OR56B2: variants seen among roughly 807,000 people sequenced by gnomAD.
OR56B2 encodes olfactory receptor family 56 subfamily B member 2, also known as olfactory receptor 56B2.
At chr11:5,762,787 G>C in the OR56B2 span, among the ~76,000 whole-genome samples, 1 of 151,914 alleles carries the variant, frequency 6.6e-6, no homozygotes, top group Non-Finnish European at 1.5e-5. Context: ...ATCACTGCCA[G>C]TTTTTGTTTA....
At chr11:5,766,524 A>G in the OR56B2 span, 3 of 140,156 alleles carry the variant, frequency 2.1e-5, 1 homozygote, top group South Asian at 7.0e-4. Flanking sequence ...GGACTTGAAT[A>G]GACATTTCTC....
chr11:5,764,834 C>A, the OR56B2 span, among the ~76,000 whole-genome samples: 1 of 138,894 alleles, frequency 7.2e-6, no homozygotes, highest in African/African-American at 2.6e-5. Flanking sequence ...TAAACAAGGT[C>A]CTGATTTTAT....
At chr11:5,762,947 TATC>T in the OR56B2 span, among the ~76,000 whole-genome samples, 1 of 152,072 alleles carries the variant, frequency 6.6e-6, no homozygotes, top group Non-Finnish European at 1.5e-5. Flanking sequence ...ATAATGTTAT[TATC>T]ATTTCACAAT....
At chr11:5,761,770 T>A in the OR56B2 span, among the ~76,000 whole-genome samples, 1 of 152,148 alleles carries the variant, frequency 6.6e-6, no homozygotes, top group Non-Finnish European at 1.5e-5. Flanking sequence ...ATATTAATTA[T>A]CCCATCTTGC....
At chr11:5,763,014 C>T in the OR56B2 span, among the ~76,000 whole-genome samples, 1 of 151,844 alleles carries the variant, frequency 6.6e-6, no homozygotes, top group African/African-American at 2.4e-5. Context: ...CATTGGTTTT[C>T]TTATCTAAGA....
the OR56B2 span, chr11:5,767,267 T>C: frequency 3.6e-5 from 5 of 138,502 alleles, 2 homozygotes; most frequent in Admixed American, 3.7e-4. Flanking sequence ...CAGAGAAAAC[T>C]CAGTAACTGC....
chr11:5,767,269 A>G, the OR56B2 span: 1 of 139,046 alleles, frequency 7.2e-6, no homozygotes, highest in Non-Finnish European at 1.6e-5. Flanking sequence ...GAGAAAACTC[A>G]GTAACTGCCA....
the OR56B2 span, among the ~76,000 whole-genome samples, chr11:5,767,870 GA>G: frequency 3.0e-5 from 4 of 134,386 alleles, 1 homozygote; most frequent in Non-Finnish European, 6.5e-5. Flanking sequence ...TAAGTCTATA[GA>G]AAAAAAAAGC....
At chr11:5,762,946 T>C in the OR56B2 span, among the ~76,000 whole-genome samples, 1 of 152,092 alleles carries the variant, frequency 6.6e-6, no homozygotes, top group Non-Finnish European at 1.5e-5. Context: ...TATAATGTTA[T>C]TATCATTTCA....
At chr11:5,763,486 G>T in the OR56B2 span, among the ~76,000 whole-genome samples, 1 of 138,714 alleles carries the variant, frequency 7.2e-6, no homozygotes, top group Non-Finnish European at 1.6e-5. Flanking sequence ...GCTAATTTTT[G>T]TATTTTCAGT....
At chr11:5,763,515 T>C in the OR56B2 span, among the ~76,000 whole-genome samples, 1 of 139,802 alleles carries the variant, frequency 7.2e-6, no homozygotes, top group East Asian at 2.1e-4. Context: ...AGTTTCACCA[T>C]GTTGGCCAGG....
the OR56B2 span, chr11:5,766,383 T>C: frequency 5.7e-5 from 8 of 140,832 alleles, 2 homozygotes; most frequent in African/African-American, 1.8e-4. Context: ...AGAGCAGATA[T>C]TGTGTCAATC....
the OR56B2 span, among the ~76,000 whole-genome samples, chr11:5,761,494 C>T: frequency 6.6e-6 from 1 of 151,924 alleles, no homozygotes; most frequent in Non-Finnish European, 1.5e-5. Flanking sequence ...AGTATATTAC[C>T]ACCAGCATTT....
the OR56B2 span, among the ~76,000 whole-genome samples, chr11:5,761,767 T>G: frequency 6.6e-6 from 1 of 152,168 alleles, no homozygotes; most frequent in African/African-American, 2.4e-5. Context: ...TAAATATTAA[T>G]TATCCCATCT....
chr11:5,768,333 G>A, the OR56B2 span, among the ~76,000 whole-genome samples: 4 of 136,642 alleles, frequency 2.9e-5, 1 homozygote, highest in East Asian at 6.2e-4. Context: ...TTGCTTTTCT[G>A]TTTCTGAGAT....
the OR56B2 span, chr11:5,767,005 T>C: frequency 1.4e-5 from 2 of 140,326 alleles, 1 homozygote; most frequent in Non-Finnish European, 3.2e-5. Flanking sequence ...CTGTTTTGTG[T>C]TGTTACAACA....
chr11:5,767,220 C>A, the OR56B2 span: 4 of 138,786 alleles, frequency 2.9e-5, 1 homozygote, highest in Non-Finnish European at 6.3e-5. Context: ...ACTGTCATGA[C>A]AAATCCATCT....
chr11:5,764,610 A>AC, the OR56B2 span, among the ~76,000 whole-genome samples: 1 of 140,522 alleles, frequency 7.1e-6, no homozygotes, highest in Non-Finnish European at 1.6e-5. Flanking sequence ...TAAATGTTTA[A>AC]GTACGTGAAC....
At chr11:5,762,627 G>A in the OR56B2 span, among the ~76,000 whole-genome samples, 3 of 151,894 alleles carry the variant, frequency 2.0e-5, no homozygotes, top group Non-Finnish European at 4.4e-5. Context: ...ACTGACTAAA[G>A]TTAACAATAA....
Sources: gnomAD v4.1 joint callset for allele counts (sites outside exome capture counted in the v4.1 genomes callset) on GRCh38, gnomAD v4.1.1 for gene constraint, MANE v1.5 for transcripts, NCBI Gene and HGNC (gene_info 2026-07-23, HGNC 2026-07-21) for gene names.